CSGALNACT1: variants seen among roughly 807,000 people sequenced by gnomAD.
The protein encoded by CSGALNACT1 is beta4GalNAcT-1.
Under a neutral mutation model 51.0 loss-of-function variants are expected in CSGALNACT1, and 52 were observed. The ratio of observed to expected loss-of-function variants is 1.02; its 90% CI spans 0.82 to 1.29. The LOEUF is 1.29. CSGALNACT1 is among the 50% of genes most tolerant of loss of function. The pLI, the probability that CSGALNACT1 is intolerant of heterozygous loss-of-function variation, is 0.00. For missense variants in CSGALNACT1, 935 were observed against 679.2 expected, an observed-to-expected ratio of 1.38 and a Z score of -4.19; for synonymous variants, 341 against 254.4, an observed-to-expected ratio of 1.34 and a Z score of -3.24.
intron 1 of CSGALNACT1, among the ~76,000 whole-genome samples, chr8:19,729,602 C>A (rs547524022): frequency 6.6e-6 from 1 of 152,176 alleles, no homozygotes; most frequent in Non-Finnish European, 1.5e-5. Flanking sequence ...AGCCTAGGAC[C>A]TCACCAAGGC....
intron 1 of CSGALNACT1, among the ~76,000 whole-genome samples, chr8:19,647,794 T>A (rs754862860): frequency 2.6e-5 from 4 of 152,250 alleles, no homozygotes; most frequent in African/African-American, 4.8e-5. Context: ...TAGGATATTA[T>A]ATTATCATTT....
intron 1 of CSGALNACT1, among the ~76,000 whole-genome samples, chr8:19,644,407 A>T (rs1001569246): frequency 4.6e-5 from 7 of 150,964 alleles, no homozygotes; most frequent in Admixed American, 4.6e-4. Flanking sequence ...AACCTCTCAA[A>T]AAAAAAAAAA....
intron 1 of CSGALNACT1, among the ~76,000 whole-genome samples, chr8:19,622,117 A>T (rs763346816): frequency 9.9e-5 from 15 of 152,238 alleles, no homozygotes; most frequent in South Asian, 8.3e-4. Context: ...GAACACGGTT[A>T]TGTAATATTT....
chr8:19,706,428 G>C (rs905181450), intron 1 of CSGALNACT1, among the ~76,000 whole-genome samples: 1 of 152,116 alleles, frequency 6.6e-6, no homozygotes, highest in Non-Finnish European at 1.5e-5. Flanking sequence ...GTGGAGCCAC[G>C]GCAGCCCATG....
chr8:19,684,833 C>T (rs371560270), upstream of CSGALNACT1, among the ~76,000 whole-genome samples: 32 of 151,818 alleles, frequency 2.1e-4, no homozygotes, highest in African/African-American at 7.5e-4. Context: ...CATTTGTTCA[C>T]TTTTCTTTTC....
intron 1 of CSGALNACT1, among the ~76,000 whole-genome samples, chr8:19,721,623 A>T (rs1246810602): frequency 1.3e-5 from 2 of 152,212 alleles, no homozygotes; most frequent in Non-Finnish European, 2.9e-5. Flanking sequence ...GCCACTTCAC[A>T]CTAAAATACC....
intron 1 of CSGALNACT1, among the ~76,000 whole-genome samples, chr8:19,750,217 G>A (rs2064945838): frequency 6.6e-6 from 1 of 152,148 alleles, no homozygotes; most frequent in Non-Finnish European, 1.5e-5. Flanking sequence ...CCTCTCTTGG[G>A]CTCCAAGCTG....
At chr8:19,496,759 G>T (rs2075546899) in intron 4 of CSGALNACT1, among the ~76,000 whole-genome samples, 1 of 152,166 alleles carries the variant, frequency 6.6e-6, no homozygotes, top group Non-Finnish European at 1.5e-5. Context: ...ATGGTAAAAA[G>T]AAATCAACGA....
chr8:19,558,528 G>A (rs112733124), intron 3 of CSGALNACT1, among the ~76,000 whole-genome samples: 1 of 152,124 alleles, frequency 6.6e-6, no homozygotes, highest in Non-Finnish European at 1.5e-5. Flanking sequence ...AGTATCTATG[G>A]ATTTGGAAAG....
chr8:19,493,189 C>T (rs1439000680), intron 4 of CSGALNACT1, among the ~76,000 whole-genome samples: 1 of 152,178 alleles, frequency 6.6e-6, no homozygotes, highest in Admixed American at 6.5e-5. Flanking sequence ...CACATTCAGC[C>T]TCCCCCAACC....
chr8:19,641,252 C>G (rs976698820), intron 1 of CSGALNACT1, among the ~76,000 whole-genome samples: 5 of 151,730 alleles, frequency 3.3e-5, no homozygotes, highest in African/African-American at 1.2e-4. Flanking sequence ...CACCCAATCC[C>G]TCTATGCCCA....
intron 6 of CSGALNACT1, among the ~76,000 whole-genome samples, chr8:19,421,347 C>T (rs1043163824): frequency 6.6e-6 from 1 of 152,200 alleles, no homozygotes; most frequent in Non-Finnish European, 1.5e-5. Context: ...TTGTTCTTTC[C>T]CAGGGACAGC....
At chr8:19,657,911 TG>T (rs377554895) in intron 1 of CSGALNACT1, among the ~76,000 whole-genome samples, 20 of 152,082 alleles carry the variant, frequency 1.3e-4, no homozygotes, top group African/African-American at 4.8e-4. Context: ...TTAGATGGCC[TG>T]GGGGCAGAGA....
At chr8:19,595,252 C>T (rs915215828) in intron 2 of CSGALNACT1, among the ~76,000 whole-genome samples, 2 of 152,108 alleles carry the variant, frequency 1.3e-5, no homozygotes, top group Non-Finnish European at 1.5e-5. Flanking sequence ...AAGGTTATCC[C>T]TTTAGAGCGA....
chr8:19,583,311 T>C (rs1014767143), intron 3 of CSGALNACT1, among the ~76,000 whole-genome samples: 2 of 152,212 alleles, frequency 1.3e-5, no homozygotes, highest in African/African-American at 4.8e-5. Flanking sequence ...TCTTTGTACA[T>C]CTTTGAGTTA....
intron 3 of CSGALNACT1, among the ~76,000 whole-genome samples, chr8:19,571,430 G>A (rs756026334): frequency 8.8e-5 from 13 of 147,518 alleles, no homozygotes; most frequent in Non-Finnish European, 1.5e-4. Context: ...CCAAAGTCCA[G>A]AAAGCAATTA....
At chr8:19,636,281 A>G (rs1257872835) in intron 1 of CSGALNACT1, among the ~76,000 whole-genome samples, 5 of 152,132 alleles carry the variant, frequency 3.3e-5, no homozygotes, top group African/African-American at 1.2e-4. Flanking sequence ...ATTGTTGGTA[A>G]TCTCTAACTG....
At chr8:19,728,989 T>A (rs2154244260) in intron 1 of CSGALNACT1, among the ~76,000 whole-genome samples, 2 of 152,218 alleles carry the variant, frequency 1.3e-5, no homozygotes, top group South Asian at 4.2e-4. Flanking sequence ...TTTCAAAGGT[T>A]CCTACTGTTT....
chr8:19,544,032 C>T (rs2085890415), intron 3 of CSGALNACT1, among the ~76,000 whole-genome samples: 1 of 151,944 alleles, frequency 6.6e-6, no homozygotes, highest in African/African-American at 2.4e-5. Context: ...ACATCATAGC[C>T]TGATGCTGCT....
Sources: gnomAD v4.1 joint callset for allele counts (sites outside exome capture counted in the v4.1 genomes callset) on GRCh38, gnomAD v4.1.1 for gene constraint, MANE v1.5 for transcripts, NCBI Gene and HGNC (gene_info 2026-07-23, HGNC 2026-07-21) for gene names.